Variants in TOPBP1 observed in about 807,000 individuals in gnomAD.
The protein encoded by TOPBP1 is DNA topoisomerase 2-binding protein 1.
Under a neutral mutation model 167.7 loss-of-function variants are expected in TOPBP1, and 28 were observed. The ratio of observed to expected loss-of-function variants is 0.17; its 90% CI spans 0.12 to 0.23. The LOEUF (loss-of-function observed/expected upper bound fraction) is 0.23. Ranked by LOEUF, TOPBP1 falls within the 10% of genes least tolerant of loss-of-function variation. The probability of loss-of-function intolerance (pLI) is 1.00; values close to 1 mark genes in which losing one functional copy is unlikely to be tolerated. For synonymous variants in TOPBP1, 598 were observed against 611.4 expected (o/e 0.98, Z 0.32); for missense variants, 1,554 against 1,809.6 (o/e 0.86, Z 2.56).
chr3:133,642,760 T>G (rs764750551), intron 12 of TOPBP1, among the ~76,000 whole-genome samples: 1 of 152,206 alleles, frequency 6.6e-6, no homozygotes. Flanking sequence ...TGAAACATCT[T>G]TATAAAGGGA....
Position 133,657,945 on chromosome 3 carries a change from CA to C in TOPBP1, c.220-5del. Reference sequence around the variant, plus strand: ...GACCAACAATTCTGCAGCCAAGCTACAAAAAAGAGAAAAGTTTAAATGAGTT... The same window carrying C: ...GACCAACAATTCTGCAGCCAAGCTACAAAAAGAGAAAAGTTTAAATGAGTT... On this transcript the variant is annotated splice_polypyrimidine_tract_variant and splice_region_variant and intron_variant, in intron 3 of 27. Coordinates refer to ENST00000260810, the MANE Select transcript of TOPBP1 (RefSeq NM_007027.4). The C allele has an allele frequency of 2.0e-6, 3 of 1,538,454 alleles. No homozygotes were observed. The highest frequency in any genetic ancestry group is 1.4e-5 in the African/African-American group (1 of 70,406).
chr3:133,637,827 T>C (rs763076404), intron 14 of TOPBP1, 49 bp downstream of exon 14: 5 of 1,582,214 alleles, frequency 3.2e-6, no homozygotes, highest in Non-Finnish European at 3.4e-6. Flanking sequence ...GCTTTAACTT[T>C]ATAAACGGTA....
chr3:133,659,757 CGTA>C (rs147652906), intron 2 of TOPBP1, among the ~76,000 whole-genome samples: 21,806 of 149,662 alleles, frequency 0.15, 1,878 homozygotes, highest in Non-Finnish European at 0.2. Context: ...TTTAAAAATA[CGTA>C]TTTATATATA....
At position 133,628,677 on chromosome 3, in the gene TOPBP1, C is replaced by T. The variant is rs778325687; in HGVS notation, c.2577G>A (p.Pro859=). 17 of 1,564,940 alleles carry T rather than the reference C, an allele frequency of 1.1e-5. No individual in the cohort carries two copies. Among genetic ancestry groups the T allele is most frequent in the South Asian group, 4.7e-5 (4 of 85,132 alleles). Residue 859 remains proline, a synonymous_variant, in exon 15 of 28, where the codon CCG becomes CCA. Transcript: ENST00000260810. Reference sequence around the variant, plus strand: ...CAATAACTTCTGAGAGTGGCGTACTCGGTTTCCTTTTCTGTTGGCTGGGAC... The same window carrying T: ...CAATAACTTCTGAGAGTGGCGTACTTGGTTTCCTTTTCTGTTGGCTGGGAC... ...PGRPSQQKRK[P]STPLSEVIVK... is the part of the protein sequence containing the mutation.
intron 12 of TOPBP1, 84 bp from the exon 13 acceptor site, chr3:133,640,254 G>T: frequency 8.6e-7 from 1 of 1,161,296 alleles, no homozygotes; most frequent in Non-Finnish European, 1.2e-6. Flanking sequence ...ACAACAGTGT[G>T]GTTAGAGATC....
At chr3:133,635,668 G>A (rs1199067667) in intron 14 of TOPBP1, among the ~76,000 whole-genome samples, 1 of 152,130 alleles carries the variant, frequency 6.6e-6, no homozygotes, top group Non-Finnish European at 1.5e-5. Flanking sequence ...GGAACACTGG[G>A]TACACTCAAC....
chr3:133,640,437 G>A (rs1014021358), intron 12 of TOPBP1, among the ~76,000 whole-genome samples: 2 of 152,136 alleles, frequency 1.3e-5, no homozygotes, highest in African/African-American at 4.8e-5. Context: ...TTGAGACAGG[G>A]TCTTGCTATG....
intron 13 of TOPBP1, 102 bp downstream of exon 13, chr3:133,639,857 C>T (rs1367825806): frequency 1.6e-6 from 2 of 1,242,676 alleles, no homozygotes; most frequent in African/African-American, 1.5e-5. Context: ...ATGTGAAAAG[C>T]AAAAATCAAT....
chr3:133,652,626 C>G lies in TOPBP1; in HGVS notation c.926G>C (p.Arg309Pro). 2.5e-6 allele frequency: 4 copies of G among 1,598,774 alleles called. No individual in the cohort carries two copies. Among genetic ancestry groups the G allele is most frequent in the Non-Finnish European group, 3.4e-6 (4 of 1,175,194 alleles). ...PTSQINTIDS[R>P]TLSDVSNISN... ...AATATTGCTGACATCTGAAAGAGTA[C>G]GACCTACATATTTTGAAAACGTATA... The change falls in exon 8 of 28, where the codon CGT becomes CCT. Residue 309 changes from arginine to proline, a missense_variant. Around this residue, in one of 3 missense-constraint regions of TOPBP1, gnomAD observed 1,197 missense variants for 1,351.5 expected, o/e 0.89. Coordinates refer to ENST00000260810, the MANE Select transcript of TOPBP1 (RefSeq NM_007027.4).
At chr3:133,611,612 A>C (rs906501622) in intron 24 of TOPBP1, among the ~76,000 whole-genome samples, 5 of 152,224 alleles carry the variant, frequency 3.3e-5, no homozygotes, top group Admixed American at 2.0e-4. Flanking sequence ...TTCAAATTAA[A>C]TCATTTAAAA....
chr3:133,618,255 G>C lies in TOPBP1; in HGVS notation c.3550C>G (p.Pro1184Ala), dbSNP rs1297357193. The change falls in exon 21 of 28, where the codon CCT (proline) becomes GCT (alanine). Residue 1184 changes from proline (P) to alanine (A), a missense_variant. By Grantham distance (27) the Pro-to-Ala change is conservative. Around this residue, in one of 3 missense-constraint regions of TOPBP1, gnomAD observed 351 missense variants for 432.9 expected, o/e 0.81. Coordinates refer to ENST00000260810, the MANE Select transcript of TOPBP1 (RefSeq NM_007027.4). ...GAATCATGTAAAGGCTTTTGAAAAG[G>C]AGAATCCTCCAAGTTTTGAATGTCA... ...QVDIQNLEDS[P>A]FQKPLHDSEI... 6.2e-7 allele frequency: 1 copy of C among 1,613,824 alleles called. No individual in the cohort carries two copies. The highest frequency in any genetic ancestry group is 1.3e-5 in the African/African-American group (1 of 74,914).
At chr3:133,652,243 G>A (rs1936332202) in intron 8 of TOPBP1, among the ~76,000 whole-genome samples, 1 of 152,170 alleles carries the variant, frequency 6.6e-6, no homozygotes, top group African/African-American at 2.4e-5. Context: ...GTTAAAACCT[G>A]AAATGAACTT....
intron 12 of TOPBP1, among the ~76,000 whole-genome samples, chr3:133,642,696 T>C (rs1225985586): frequency 1.3e-5 from 2 of 152,210 alleles, no homozygotes; most frequent in East Asian, 3.9e-4. Context: ...GCCTAGATTC[T>C]TTCATTCATT....
rs757032636 is a variant in TOPBP1, at chr3:133,652,581, C to T, written c.971G>A (p.Cys324Tyr). ...VSNISNINAS[C>Y]VSESICNSLN... The stretch of plus-strand genomic sequence containing the variant: ...TGAATTACATATTGATTCACTTACG[C>T]AACTTGCATTTATGTTGGAAATATT... Residue 324 changes from cysteine (C) to tyrosine (Y), a missense_variant, in exon 8 of 28, where the codon TGC becomes TAC. By Grantham distance (194) the Cys-to-Tyr change is radical. This residue lies in a region of TOPBP1 where 1,197 missense variants were observed against 1,351.5 expected (regional missense o/e 0.89). Transcript: ENST00000260810. 15 of 1,611,318 alleles carry T rather than the reference C, an allele frequency of 9.3e-6. No individual in the cohort carries two copies. The highest frequency in any genetic ancestry group is 8.4e-5 in the Admixed American group (5 of 59,748).
chr3:133,644,311 C>A lies in TOPBP1; in HGVS notation c.1557G>T (p.Glu519Asp). 1 of 1,610,724 alleles carries A rather than the reference C, an allele frequency of 6.2e-7. No individual in the cohort carries two copies. Among genetic ancestry groups the A allele is most frequent in the Non-Finnish European group, 8.5e-7 (1 of 1,178,436 alleles). Residue 519 changes from glutamate (E) to aspartate (D), a missense_variant, in exon 11 of 28, where the codon GAG (glutamate) becomes GAT (aspartate). Transcript: ENST00000260810. ...ARPFNDSTHAEPLNDSTHISL... is the reference protein window; with the variant it reads ...ARPFNDSTHADPLNDSTHISL... ...AAATGTGAGTAGAATCATTCAAGGG[C>A]TCAGCATGAGTAGAATCATTAAAGG...
At chr3:133,639,547 T>C (rs2107808955) in intron 13 of TOPBP1, among the ~76,000 whole-genome samples, 1 of 152,204 alleles carries the variant, frequency 6.6e-6, no homozygotes, top group South Asian at 2.1e-4. Context: ...TGTATACATA[T>C]GTAACAAACC....
At chr3:133,611,230 A>G (rs769386381) in intron 24 of TOPBP1, 89 bp from the exon 25 acceptor site, 79 of 1,210,496 alleles carry the variant, frequency 6.5e-5, no homozygotes, top group Non-Finnish European at 7.7e-5. Context: ...CCAAAGTCTA[A>G]TAACTGTTAA....
chr3:133,638,489 G>A (rs1935755586), intron 13 of TOPBP1, among the ~76,000 whole-genome samples: 1 of 152,108 alleles, frequency 6.6e-6, no homozygotes, highest in African/African-American at 2.4e-5. Flanking sequence ...AAGCCTATTT[G>A]CCAAAAATTG....
chr3:133,649,428 C>A lies in TOPBP1; in HGVS notation c.1459G>T (p.Asp487Tyr). The part of the protein sequence containing the change: ...FAPSEKHEQA[D>Y]EDLLSQYENG... ...TCATATTGAGAGAGCAGATCTTCAT[C>A]AGCTTGCTCATGCTTTTCACTAGGA... is the stretch of plus-strand genomic sequence containing the variant. The change falls in exon 10 of 28, where the codon GAT becomes TAT. Residue 487 changes from aspartate (D) to tyrosine (Y), a missense_variant. By Grantham distance (160) the Asp-to-Tyr change is radical. Coordinates refer to ENST00000260810, the MANE Select transcript of TOPBP1 (RefSeq NM_007027.4). 6.2e-7 allele frequency: 1 copy of A among 1,613,816 alleles called. No individual in the cohort carries two copies. Among genetic ancestry groups the A allele is most frequent in the African/African-American group, 1.3e-5 (1 of 75,062 alleles).
Sources: allele counts gnomAD v4.1 joint callset (sites outside exome capture counted in the v4.1 genomes callset), GRCh38; gene constraint gnomAD v4.1.1; regional missense constraint gnomAD v4.1.1; transcripts MANE v1.5; gene names NCBI Gene and HGNC (gene_info 2026-07-23, HGNC 2026-07-21).